The following WASF3 variants were observed in gnomAD, a reference collection of about 807,000 sequenced individuals.
The protein encoded by WASF3 is WASP family member 3.
Under a neutral mutation model 46.6 loss-of-function variants are expected in WASF3, and 11 were observed. That is an observed-to-expected ratio of 0.24 (90% CI 0.15 to 0.39). The LOEUF (loss-of-function observed/expected upper bound fraction) is 0.39, where lower values mean the gene tolerates loss of function less well. Among genes scored for constraint, WASF3 ranks in the 10% least tolerant of loss-of-function variants. WASF3 has a pLI of 1.00. For synonymous variants in WASF3, 242 were observed against 259.7 expected, an observed-to-expected ratio of 0.93 and a Z score of 0.65; for missense variants, 576 against 669.8, an observed-to-expected ratio of 0.86 and a Z score of 1.55.
intron 1 of WASF3, among the ~76,000 whole-genome samples, chr13:26,591,540 A>G (rs1208465624): frequency 6.6e-6 from 1 of 152,040 alleles, no homozygotes; most frequent in East Asian, 1.9e-4. Context: ...CAGCTGAGAT[A>G]TGGGGTTGCC....
chr13:26,682,596 A>C lies in WASF3; in HGVS notation c.984-11A>C, dbSNP rs765074230. 2.7e-5 allele frequency: 44 copies of C among 1,613,874 alleles called. No homozygotes were observed. The highest frequency in any genetic ancestry group is 1.6e-4 in the Middle Eastern group (1 of 6,082). On this transcript the variant is annotated splice_polypyrimidine_tract_variant and intron_variant, in intron 8 of 9. Transcript: ENST00000335327. This position sits in a 1 kb window ranked among gnomAD's most constrained non-coding sequence, Gnocchi z 4.4. ...TTCCCTTGGTGACTATGTGCCTCATATCTCTCTCAGGATGCTCCCAGCGCA... is the reference window on the plus strand; with the variant it reads ...TTCCCTTGGTGACTATGTGCCTCATCTCTCTCTCAGGATGCTCCCAGCGCA...
At chr13:26,684,488 G>A (rs537810918) in intron 9 of WASF3, among the ~76,000 whole-genome samples, 4 of 152,240 alleles carry the variant, frequency 2.6e-5, no homozygotes, top group East Asian at 1.9e-4. Context: ...CCAATGTCAC[G>A]GATAATTTCC....
the WASF3 span, among the ~76,000 whole-genome samples, chr13:26,539,652 C>T: frequency 6.6e-6 from 1 of 152,076 alleles, no homozygotes; most frequent in Non-Finnish European, 1.5e-5. Context: ...TTACCTCTAC[C>T]CCATCACACA....
chr13:26,636,012 C>T (rs1231765823), intron 2 of WASF3, among the ~76,000 whole-genome samples: 1 of 152,256 alleles, frequency 6.6e-6, no homozygotes, highest in East Asian at 1.9e-4. Context: ...AGAGCTCAAA[C>T]GCCATGCTGG....
upstream of WASF3, among the ~76,000 whole-genome samples, chr13:26,554,096 C>CTTCTTTCTTTCTTTCTTTCTTTCT (rs57590764): frequency 6.0e-3 from 44 of 7,376 alleles, 3 homozygotes; most frequent in East Asian, 0.017. Flanking sequence ...TCCTTCCTTC[C>CTTCTTTCTTTCTTTCTTTCTTTCT]TTCTTTCTTT....
At chr13:26,579,499 G>T (rs1405352833) in intron 1 of WASF3, among the ~76,000 whole-genome samples, 1 of 152,186 alleles carries the variant, frequency 6.6e-6, no homozygotes, top group African/African-American at 2.4e-5. Flanking sequence ...AAGGTTGAAA[G>T]TAGTGGCATT....
intron 2 of WASF3, among the ~76,000 whole-genome samples, chr13:26,616,103 C>T (rs9551300): frequency 0.5 from 75,409 of 152,068 alleles, 18,908 homozygotes; most frequent in East Asian, 0.62. Flanking sequence ...TATGTGGGCA[C>T]ATGCTTTTAT....
chr13:26,569,392 T>C (rs1300856122), intron 1 of WASF3, among the ~76,000 whole-genome samples: 2 of 152,338 alleles, frequency 1.3e-5, no homozygotes, highest in East Asian at 3.9e-4. Flanking sequence ...GAACAGAGTG[T>C]TCTATAAATT....
chr13:26,555,859 G>A (rs2137128389), upstream of WASF3, among the ~76,000 whole-genome samples: 1 of 152,316 alleles, frequency 6.6e-6, no homozygotes, highest in Admixed American at 6.5e-5. Flanking sequence ...CCCTGATGCA[G>A]CAACATTTTA....
At position 26,561,351 on chromosome 13, in the gene WASF3, T is replaced by C. The variant is rs540995703; in HGVS notation, c.-109+3532T>C. On this transcript the variant is annotated intron_variant, in intron 1 of 9. Transcript: ENST00000335327. ...TGTGTGTGTATGTGGTGGGGGGAGT[T>C]GGGGCAGGGAGGAGTTCAGGGCAGT... 4.6e-5 allele frequency among the ~76,000 whole-genome samples: 7 copies of C among 151,274 alleles called. No individual in the cohort carries two copies. In the South Asian group the frequency reaches 1.5e-3, roughly 32 times the overall value.
In WASF3 at chr13:26,642,375, C is replaced by G; in HGVS notation, c.105C>G (p.Ala35=). The change falls in exon 3 of 10, where the codon GCC becomes GCG. Residue 35 remains alanine (A), a synonymous_variant. Coordinates refer to ENST00000335327, the MANE Select transcript of WASF3 (RefSeq NM_006646.6). ...ELECVTNSTL[A]AIIRQLSSLS... ...AATGTGTAACCAATAGTACTCTTGC[C>G]GCTATCATACGCCAGCTGAGCAGTC... The G allele has an allele frequency of 6.2e-7, 1 of 1,606,896 alleles. No homozygotes were observed. Among genetic ancestry groups the G allele is most frequent in the South Asian group, 1.1e-5 (1 of 89,644 alleles).
chr13:26,672,097 T>G, intron 6 of WASF3, 108 bp downstream of exon 6: 1 of 852,856 alleles, frequency 1.2e-6, no homozygotes, highest in Non-Finnish European at 1.8e-6. Context: ...AGTGCTGAAG[T>G]TTTTTTAGAG....
chr13:26,649,628 G>A (rs1014320083), intron 3 of WASF3, among the ~76,000 whole-genome samples: 1 of 152,202 alleles, frequency 6.6e-6, no homozygotes, highest in Admixed American at 6.5e-5. Flanking sequence ...GAGGCTCATT[G>A]AGGACAAGTT....
chr13:26,609,976 A>G (rs996542907), intron 1 of WASF3, among the ~76,000 whole-genome samples: 17 of 152,324 alleles, frequency 1.1e-4, no homozygotes, highest in Admixed American at 3.3e-4. Flanking sequence ...AAAATGAAGT[A>G]AAATATGGAG....
At chr13:26,559,908 C>T (rs535297455) in intron 1 of WASF3, among the ~76,000 whole-genome samples, 7 of 143,820 alleles carry the variant, frequency 4.9e-5, no homozygotes, top group Non-Finnish European at 9.1e-5. Context: ...ACCTCCGCCT[C>T]CTGGGTTCAA....
chr13:26,570,005 G>C (rs909079273), intron 1 of WASF3, among the ~76,000 whole-genome samples: 3 of 152,168 alleles, frequency 2.0e-5, no homozygotes, highest in African/African-American at 7.2e-5. Flanking sequence ...ACCTTGATCA[G>C]CCGGGCGCGG....
intron 2 of WASF3, chr13:26,622,669 G>C (rs1299822192): frequency 6.6e-6 from 1 of 152,094 alleles, no homozygotes; most frequent in Non-Finnish European, 1.5e-5. Context: ...CAGCTACTCG[G>C]GAAACTGAGG....
the WASF3 span, among the ~76,000 whole-genome samples, chr13:26,552,160 C>A: frequency 6.6e-6 from 1 of 152,210 alleles, no homozygotes; most frequent in African/African-American, 2.4e-5. Context: ...GTGAAAATAT[C>A]AGTGAGTCTT....
At chr13:26,553,904 T>C (rs1302384225), upstream of WASF3, among the ~76,000 whole-genome samples, 1 of 151,920 alleles carries the variant, frequency 6.6e-6, no homozygotes, top group Non-Finnish European at 1.5e-5. Flanking sequence ...TATATGGGTG[T>C]TCCTTCTACC....
Sources: allele counts gnomAD v4.1 joint callset (sites outside exome capture counted in the v4.1 genomes callset), GRCh38; gene constraint gnomAD v4.1.1; non-coding constraint Gnocchi (gnomAD v3.1); transcripts MANE v1.5; gene names NCBI Gene and HGNC (gene_info 2026-07-23, HGNC 2026-07-21).